The following STK17A variants were observed in gnomAD, a reference collection of about 807,000 sequenced individuals.
The protein encoded by STK17A is serine/threonine kinase 17a, also known as serine/threonine-protein kinase 17A.
STK17A carries 26 observed loss-of-function variants against 43.7 expected under a neutral mutation model. The ratio of observed to expected loss-of-function variants is 0.60; its 90% confidence interval spans 0.44 to 0.83. The LOEUF (loss-of-function observed/expected upper bound fraction) is 0.83, where lower values mean the gene tolerates loss of function less well. STK17A is among the 40% of genes least tolerant of loss of function. The probability of loss-of-function intolerance (pLI) is 0.00; values close to 1 mark genes in which losing one functional copy is unlikely to be tolerated. For synonymous variants in STK17A, 191 were observed against 182.5 expected, an observed-to-expected ratio of 1.05 and a Z score of -0.38; for missense variants, 476 against 511.6, an observed-to-expected ratio of 0.93 and a Z score of 0.67.
chr7:43,584,470 A>T (rs906043821), intron 1 of STK17A, among the ~76,000 whole-genome samples: 1 of 152,192 alleles, frequency 6.6e-6, no homozygotes, highest in African/African-American at 2.4e-5. Context: ...GGCTTGCCAC[A>T]TGGCGTTCAG....
At chr7:43,599,124 T>C (rs1422702183) in intron 2 of STK17A, among the ~76,000 whole-genome samples, 3 of 152,188 alleles carry the variant, frequency 2.0e-5, no homozygotes, top group Non-Finnish European at 4.4e-5. Flanking sequence ...GGAGTCAAAT[T>C]TGCAAAATAT....
intron 1 of STK17A, among the ~76,000 whole-genome samples, 176 bp from the exon 2 acceptor site, chr7:43,595,725 A>G (rs1487987062): frequency 6.6e-6 from 1 of 152,232 alleles, no homozygotes; most frequent in South Asian, 2.1e-4. Context: ...TTTATTTGAT[A>G]AATCTATAAA....
In STK17A at chr7:43,624,732, G is replaced by C. The variant is rs775409686; in HGVS notation, c.1135G>C (p.Gly379Arg). The change falls in exon 7 of 7, where the codon GGA (glycine) becomes CGA (arginine). Residue 379 changes from glycine to arginine, a missense_variant. Gly to Arg is a moderately radical substitution (Grantham distance 125). Around this residue, in one of 3 missense-constraint regions of STK17A, gnomAD observed 110 missense variants for 103.7 expected, o/e 1.06. Transcript: ENST00000319357. The part of the protein sequence containing the change: ...ELIVVTSYTL[G>R]QCRQSEKEKM... ...AATTGTAGTTACTTCATATACTCTAGGACAATGCAGACAGTCTGAAAAAGA... is the reference window on the plus strand; with the variant it reads ...AATTGTAGTTACTTCATATACTCTACGACAATGCAGACAGTCTGAAAAAGA... 2 of 1,613,992 alleles carry C rather than the reference G, an allele frequency of 1.2e-6. No individual in the cohort carries two copies. Among genetic ancestry groups the C allele is most frequent in the Admixed American group, 1.7e-5 (1 of 60,014 alleles).
In STK17A at chr7:43,615,961, G is replaced by A. The variant is rs146534859; in HGVS notation, c.565-3636G>A. ...GCACACACCCCAAGCAACCACTCTC[G>A]CCCATCACCCTGCTTTGAGTTCCCC... On this transcript the variant is annotated intron_variant, in intron 3 of 6. Coordinates refer to ENST00000319357, the MANE Select transcript of STK17A (RefSeq NM_004760.3). Among the ~76,000 whole-genome samples the A allele has an allele frequency of 1.2e-3, 177 of 152,064 alleles. 2 individuals are homozygous for A. The highest frequency in any genetic ancestry group is 9.8e-3 in the East Asian group (51 of 5,184).
At chr7:43,595,267 C>CTTTTTTT (rs57811536) in intron 1 of STK17A, among the ~76,000 whole-genome samples, 1 of 88,346 alleles carries the variant, frequency 1.1e-5, no homozygotes, top group Admixed American at 1.3e-4. Context: ...AATCAAATGG[C>CTTTTTTT]TTTTTTTTTT....
chr7:43,605,564 C>T (rs998417205), intron 2 of STK17A, among the ~76,000 whole-genome samples: 4 of 152,070 alleles, frequency 2.6e-5, no homozygotes, highest in Admixed American at 6.6e-5. Flanking sequence ...CTTTGTGCAG[C>T]TCCCTCCTCT....
chr7:43,612,804 T>C (rs2082994490), intron 3 of STK17A, among the ~76,000 whole-genome samples: 1 of 152,048 alleles, frequency 6.6e-6, no homozygotes, highest in African/African-American at 2.4e-5. Flanking sequence ...GCTGGGAAAG[T>C]TCTTGGGGTG....
intron 2 of STK17A, among the ~76,000 whole-genome samples, chr7:43,596,952 C>T (rs1371157414): frequency 1.3e-5 from 2 of 150,972 alleles, no homozygotes; most frequent in African/African-American, 2.4e-5. Flanking sequence ...TACTTGAGTC[C>T]AGGAGTTTGA....
intron 3 of STK17A, 25 bp downstream of exon 3, chr7:43,608,425 G>A: frequency 6.3e-7 from 1 of 1,588,686 alleles, no homozygotes. Flanking sequence ...ACAATTTTGA[G>A]ATTGCTAAAG....
chr7:43,602,805 ACC>A (rs2082564605), intron 2 of STK17A, among the ~76,000 whole-genome samples: 1 of 152,066 alleles, frequency 6.6e-6, no homozygotes, highest in South Asian at 2.1e-4. Flanking sequence ...TTTGTTTCCA[ACC>A]TCTGCCCCTT....
At chr7:43,593,157 C>T (rs903380548) in intron 1 of STK17A, among the ~76,000 whole-genome samples, 3 of 152,164 alleles carry the variant, frequency 2.0e-5, no homozygotes, top group Non-Finnish European at 2.9e-5. Context: ...TGAAAACAGG[C>T]AGTTTTTTAC....
chr7:43,587,005 T>C (rs1025442991), intron 1 of STK17A, among the ~76,000 whole-genome samples: 2 of 151,374 alleles, frequency 1.3e-5, no homozygotes, highest in African/African-American at 4.8e-5. Context: ...TTAAAAGTCT[T>C]GTGAGAGATA....
intron 2 of STK17A, among the ~76,000 whole-genome samples, chr7:43,605,136 A>T (rs2082580212): frequency 6.6e-6 from 1 of 152,088 alleles, no homozygotes; most frequent in South Asian, 2.1e-4. Context: ...TGCCAATTCC[A>T]TCATCTCTGT....
intron 1 of STK17A, among the ~76,000 whole-genome samples, chr7:43,584,205 A>G (rs1018894858): frequency 6.6e-6 from 1 of 152,038 alleles, no homozygotes; most frequent in African/African-American, 2.4e-5. Flanking sequence ...TACATTTTGT[A>G]TGCTGAAGAG....
At chr7:43,622,426 A>G (rs1467880879) in intron 4 of STK17A, 1 of 152,210 alleles carries the variant, frequency 6.6e-6, no homozygotes, top group Non-Finnish European at 1.5e-5. Context: ...TCATAGAAAT[A>G]GAACATTTTC....
intron 3 of STK17A, among the ~76,000 whole-genome samples, 185 bp from the exon 4 acceptor site, chr7:43,619,412 A>G (rs2083643391): frequency 6.6e-6 from 1 of 152,212 alleles, no homozygotes; most frequent in Non-Finnish European, 1.5e-5. Context: ...TGAAAATACA[A>G]GAGAGTACAG....
At chr7:43,593,267 A>G (rs1434143293) in intron 1 of STK17A, among the ~76,000 whole-genome samples, 3 of 152,222 alleles carry the variant, frequency 2.0e-5, no homozygotes, top group Non-Finnish European at 4.4e-5. Flanking sequence ...TCCATGATAC[A>G]TATACACACC....
At chr7:43,613,167 A>AAT (rs1372055253) in intron 3 of STK17A, among the ~76,000 whole-genome samples, 1 of 152,190 alleles carries the variant, frequency 6.6e-6, no homozygotes, top group Non-Finnish European at 1.5e-5. Flanking sequence ...GTCTTTCAGC[A>AAT]GTGTTAGTAC....
intron 3 of STK17A, among the ~76,000 whole-genome samples, chr7:43,614,934 A>C (rs1363981584): frequency 6.6e-6 from 1 of 152,214 alleles, no homozygotes; most frequent in Non-Finnish European, 1.5e-5. Context: ...AAAACATTTA[A>C]ACTATTTTAA....
Sources: gnomAD v4.1 joint callset for allele counts (sites outside exome capture counted in the v4.1 genomes callset) on GRCh38, gnomAD v4.1.1 for gene constraint, gnomAD v4.1.1 regional missense constraint, MANE v1.5 for transcripts, NCBI Gene and HGNC (gene_info 2026-07-23, HGNC 2026-07-21) for gene names.